KCTD8: variants seen among roughly 807,000 people sequenced by gnomAD.
The protein encoded by KCTD8 is potassium channel tetramerization domain containing 8.
A neutral mutation model predicts 31.5 loss-of-function variants in KCTD8; 27 were observed. The observed-to-expected ratio is 0.86, with a 90% confidence interval of 0.63 to 1.18. KCTD8 has a LOEUF of 1.18. KCTD8 is among the 50% of genes most tolerant of loss of function. The probability of loss-of-function intolerance (pLI) is 0.00; values close to 1 mark genes in which losing one functional copy is unlikely to be tolerated. For missense variants in KCTD8, 658 were observed against 647.7 expected (o/e 1.02, Z -0.17); for synonymous variants, 290 against 280.0 (o/e 1.04, Z -0.36).
intron 1 of KCTD8, among the ~76,000 whole-genome samples, chr4:44,273,636 C>A (rs1055751133): frequency 2.0e-5 from 3 of 151,924 alleles, no homozygotes; most frequent in Admixed American, 2.0e-4. Flanking sequence ...TATAAATGGT[C>A]ATTTCCTAAT....
intron 1 of KCTD8, among the ~76,000 whole-genome samples, chr4:44,402,989 T>C (rs984733569): frequency 6.6e-6 from 1 of 152,152 alleles, no homozygotes; most frequent in African/African-American, 2.4e-5. Context: ...GAGCATGTGA[T>C]CAGTGGAAGA....
At chr4:44,213,718 T>G (rs1222669466) in intron 1 of KCTD8, among the ~76,000 whole-genome samples, 10 of 152,174 alleles carry the variant, frequency 6.6e-5, no homozygotes, top group Non-Finnish European at 4.4e-5. Context: ...GCAAATTTTT[T>G]GCACCAACAC....
At chr4:44,264,245 A>T (rs532877210) in intron 1 of KCTD8, among the ~76,000 whole-genome samples, 1 of 152,228 alleles carries the variant, frequency 6.6e-6, no homozygotes, top group African/African-American at 2.4e-5. Flanking sequence ...TTTGAATATT[A>T]GCTATTCTTT....
intron 1 of KCTD8, among the ~76,000 whole-genome samples, chr4:44,306,108 C>T (rs1004003893): frequency 7.2e-5 from 11 of 151,794 alleles, no homozygotes; most frequent in Non-Finnish European, 1.2e-4. Context: ...AAGTATTCAA[C>T]TTAGGTAGAC....
chr4:44,315,256 T>C (rs1338450014), intron 1 of KCTD8, among the ~76,000 whole-genome samples: 1 of 152,068 alleles, frequency 6.6e-6, no homozygotes, highest in Admixed American at 6.5e-5. Context: ...GAAAATTAGC[T>C]CCTTAAGCTC....
chr4:44,398,565 T>C (rs1223694241), intron 1 of KCTD8, among the ~76,000 whole-genome samples: 8 of 152,208 alleles, frequency 5.3e-5, no homozygotes. Flanking sequence ...TTTCACTTGA[T>C]GGCCATTATA....
chr4:44,328,785 TC>T (rs1422144055), intron 1 of KCTD8, among the ~76,000 whole-genome samples: 3 of 151,790 alleles, frequency 2.0e-5, no homozygotes, highest in Non-Finnish European at 4.4e-5. Flanking sequence ...TTTTGGAAAA[TC>T]CATTAATCTA....
intron 1 of KCTD8, among the ~76,000 whole-genome samples, chr4:44,370,466 A>T (rs1183547737): frequency 6.6e-6 from 1 of 152,224 alleles, no homozygotes; most frequent in African/African-American, 2.4e-5. Context: ...GTCTACTGCT[A>T]AGTAGTGGCT....
chr4:44,309,677 T>G (rs1031262010), intron 1 of KCTD8, among the ~76,000 whole-genome samples: 1 of 152,102 alleles, frequency 6.6e-6, no homozygotes, highest in Non-Finnish European at 1.5e-5. Context: ...TACTAAAATT[T>G]AGAATACATT....
chr4:44,340,715 G>A (rs536147215), intron 1 of KCTD8, among the ~76,000 whole-genome samples: 3 of 151,962 alleles, frequency 2.0e-5, no homozygotes, highest in Non-Finnish European at 4.4e-5. Context: ...ATGCAACAAC[G>A]TAAACCTGAG....
At chr4:44,194,802 TCCC>T (rs1713886270) in intron 1 of KCTD8, among the ~76,000 whole-genome samples, 1 of 62,408 alleles carries the variant, frequency 1.6e-5, no homozygotes, top group African/African-American at 6.8e-5. Context: ...CCTCCCTCCC[TCCC>T]TCCCTCCCTC....
chr4:44,267,946 C>T (rs539311543), intron 1 of KCTD8, among the ~76,000 whole-genome samples: 1 of 152,146 alleles, frequency 6.6e-6, no homozygotes, highest in South Asian at 2.1e-4. Flanking sequence ...GGATTCACAG[C>T]AGAATTCCAC....
chr4:44,236,405 A>T (rs1715292195), intron 1 of KCTD8, among the ~76,000 whole-genome samples: 1 of 152,138 alleles, frequency 6.6e-6, no homozygotes. Context: ...CAAAAAAGCA[A>T]CAAGAGTCAG....
chr4:44,320,728 A>G (rs1577614491), intron 1 of KCTD8, among the ~76,000 whole-genome samples: 1 of 152,070 alleles, frequency 6.6e-6, no homozygotes, highest in Admixed American at 6.6e-5. Flanking sequence ...AATGAAAACA[A>G]TGCTAATGAA....
At chr4:44,409,060 T>C (rs1720891163) in intron 1 of KCTD8, among the ~76,000 whole-genome samples, 1 of 151,706 alleles carries the variant, frequency 6.6e-6, no homozygotes, top group African/African-American at 2.4e-5. Context: ...CTGCTCAACA[T>C]AGTGAGACCC....
At chr4:44,394,693 A>C (rs1302669411) in intron 1 of KCTD8, among the ~76,000 whole-genome samples, 1 of 152,122 alleles carries the variant, frequency 6.6e-6, no homozygotes, top group Admixed American at 6.6e-5. Context: ...AGACAGGTGA[A>C]GCATTACATC....
chr4:44,218,557 A>T (rs1196579844), intron 1 of KCTD8, among the ~76,000 whole-genome samples: 1 of 150,170 alleles, frequency 6.7e-6, no homozygotes, highest in Admixed American at 6.7e-5. Flanking sequence ...CATCTCATGT[A>T]ACCCATAAAT....
At chr4:44,278,328 T>C (rs1242584400) in intron 1 of KCTD8, among the ~76,000 whole-genome samples, 3 of 152,082 alleles carry the variant, frequency 2.0e-5, no homozygotes, top group Non-Finnish European at 4.4e-5. Context: ...CAGGGTTTCT[T>C]GCTTTTTTCC....
chr4:44,250,882 T>C (rs2109361312), intron 1 of KCTD8, among the ~76,000 whole-genome samples: 1 of 151,916 alleles, frequency 6.6e-6, no homozygotes, highest in East Asian at 1.9e-4. Context: ...ACTTAGTGTG[T>C]CTTGAGTCAT....
Sources: allele counts gnomAD v4.1 joint callset (sites outside exome capture counted in the v4.1 genomes callset), GRCh38; gene constraint gnomAD v4.1.1; transcripts MANE v1.5; gene names NCBI Gene and HGNC (gene_info 2026-07-23, HGNC 2026-07-21).